The following PVT1 variants were observed in gnomAD, a reference collection of about 807,000 sequenced individuals.
PVT1 encodes the protein Pvt1 oncogene.
At chr8:127,801,562 G>C (rs1230920645) in intron 2 of PVT1, among the ~76,000 whole-genome samples, 3 of 152,122 alleles carry the variant, frequency 2.0e-5, no homozygotes, top group African/African-American at 4.8e-5. Flanking sequence ...TTCTAAAAAG[G>C]AAAGTAATTT....
chr8:128,088,050 T>C lies in PVT1; in HGVS notation n.1115-8468T>C, dbSNP rs1223034449. Reference sequence around the variant, plus strand: ...CTGGGATTACAGGTGTAAGCCACCGTGCCCAGCCGCTACTTGTTTTTTTTC... The same window carrying C: ...CTGGGATTACAGGTGTAAGCCACCGCGCCCAGCCGCTACTTGTTTTTTTTC... On this transcript the variant is annotated intron_variant and non_coding_transcript_variant, in intron 5 of 10. Transcript: ENST00000651587. Among the ~76,000 whole-genome samples the C allele has an allele frequency of 2.0e-5, 3 of 152,258 alleles. No homozygotes were observed. The East Asian group carries it at 5.8e-4, about 29-fold the overall frequency.
At chr8:128,073,649 C>T (rs1037595637) in intron 5 of PVT1, among the ~76,000 whole-genome samples, 2 of 152,202 alleles carry the variant, frequency 1.3e-5, no homozygotes, top group Admixed American at 1.3e-4. Flanking sequence ...CATGCGCCAA[C>T]CCATTTCAAC....
rs1563627450 is a variant in PVT1, at chr8:127,874,937, G to GTGTGT, written n.373-15652_373-15651insTGTGT. 4.0e-3 allele frequency among the ~76,000 whole-genome samples: 580 copies of GTGTGT among 145,940 alleles called. 4 individuals are homozygous for GTGTGT. Among genetic ancestry groups the GTGTGT allele is most frequent in the African/African-American group, 0.015 (550 of 37,742 alleles). Reference sequence around the variant, plus strand: ...GTGTGTGTGTGTGTGTGTGTGTGTGGGTGTGTGGCCCTGGGCTGCACTGTG... The same window carrying GTGTGT: ...GTGTGTGTGTGTGTGTGTGTGTGTGGTGTGTGTGTGTGGCCCTGGGCTGCACTGTG... On this transcript the variant is annotated intron_variant and non_coding_transcript_variant, in intron 2 of 10. Coordinates refer to ENST00000651587, the Ensembl canonical transcript of PVT1.
intron 4 of PVT1, among the ~76,000 whole-genome samples, chr8:128,039,754 G>A (rs1813509249): frequency 6.6e-6 from 1 of 152,210 alleles, no homozygotes; most frequent in South Asian, 2.1e-4. Context: ...AAGTGGACTG[G>A]AAGTGGCAAA....
rs1005457748 is a variant in PVT1, at chr8:128,041,215, TTGTG to T, written n.913-28938_913-28935del. Among the ~76,000 whole-genome samples the T allele has an allele frequency of 3.0e-4, 8 of 26,814 alleles. No individual in the cohort carries two copies. In the South Asian group the frequency reaches 0.016, roughly 55 times the overall value. The allele number at this position is 26,814 out of a possible 152,430, so 17.6% of individuals were successfully genotyped here. A position where few individuals can be genotyped will look rare whatever the true frequency, so the allele number is the denominator to read the frequency against. On this transcript the variant is annotated intron_variant and non_coding_transcript_variant, in intron 4 of 10. Transcript: ENST00000651587. ...TGTGTTCGTGTGTTTGCATGTGTGT[TTGTG>T]TGTGTGCATGTGTGTGTGTTGTTTG...
intron 4 of PVT1, among the ~76,000 whole-genome samples, chr8:128,005,544 C>T (rs527689631): frequency 2.6e-5 from 4 of 152,276 alleles, no homozygotes; most frequent in Non-Finnish European, 4.4e-5. Flanking sequence ...GTACCTTCTG[C>T]TGACTGCAGT....
intron 2 of PVT1, among the ~76,000 whole-genome samples, chr8:127,859,607 A>G (rs575198610): frequency 1.3e-5 from 2 of 152,278 alleles, no homozygotes; most frequent in Admixed American, 1.3e-4. Flanking sequence ...ACTCCCCGCC[A>G]GAGTCCTGGC....
At chr8:128,034,876 A>G (rs1375815019) in intron 4 of PVT1, among the ~76,000 whole-genome samples, 1 of 152,208 alleles carries the variant, frequency 6.6e-6, no homozygotes, top group Non-Finnish European at 1.5e-5. Context: ...AAATGACTTC[A>G]CTGCTGCCTT....
At chr8:128,002,796 C>G (rs919840048) in intron 4 of PVT1, among the ~76,000 whole-genome samples, 2 of 152,228 alleles carry the variant, frequency 1.3e-5, no homozygotes, top group African/African-American at 4.8e-5. Flanking sequence ...GGAGTTAGGA[C>G]TTCAACATAA....
chr8:127,882,538 C>G (rs867247533), intron 2 of PVT1, among the ~76,000 whole-genome samples: 1 of 151,694 alleles, frequency 6.6e-6, no homozygotes, highest in African/African-American at 2.4e-5. Flanking sequence ...GCCTGGAGTG[C>G]AATGGCACAA....
intron 3 of PVT1, among the ~76,000 whole-genome samples, chr8:127,959,204 C>G (rs1040097443): frequency 6.6e-5 from 10 of 152,162 alleles, no homozygotes; most frequent in Non-Finnish European, 1.3e-4. Context: ...TGCTTCCTGT[C>G]TTATGTTTTT....
At chr8:127,813,202 AATATACAAATATATATATATAAT>A (rs1394374139) in intron 2 of PVT1, among the ~76,000 whole-genome samples, 40 of 64,848 alleles carry the variant, frequency 6.2e-4, no homozygotes, top group Admixed American at 1.9e-3. Flanking sequence ...AAATATATAT[AATATACAAATATATATATATAAT>A]ATATACAAAT....
chr8:127,963,358 T>C (rs1402989120), intron 3 of PVT1, among the ~76,000 whole-genome samples: 2 of 152,188 alleles, frequency 1.3e-5, no homozygotes, highest in Non-Finnish European at 2.9e-5. Context: ...TCTCAGTGTC[T>C]GACACCTGGT....
chr8:127,924,955 T>C (rs1202202748), intron 3 of PVT1, among the ~76,000 whole-genome samples: 1 of 152,144 alleles, frequency 6.6e-6, no homozygotes, highest in Non-Finnish European at 1.5e-5. Context: ...GCCAACACAA[T>C]TGTTCTTAAT....
intron 2 of PVT1, among the ~76,000 whole-genome samples, chr8:127,860,031 C>T (rs1050799058): frequency 9.2e-5 from 14 of 152,274 alleles, no homozygotes; most frequent in African/African-American, 3.4e-4. Context: ...ACACGGACCC[C>T]GTGACTGGCT....
chr8:127,906,000 T>C (rs972814626), intron 3 of PVT1, among the ~76,000 whole-genome samples: 1 of 152,238 alleles, frequency 6.6e-6, no homozygotes, highest in Admixed American at 6.5e-5. Context: ...TTCAGTAAGA[T>C]ACATTTTGCA....
In PVT1 at chr8:127,925,353, T is replaced by A. The variant is rs557897940; in HGVS notation, n.782+34355T>A. Among the ~76,000 whole-genome samples, 3 of 151,936 alleles carry A rather than the reference T, an allele frequency of 2.0e-5. No individual in the cohort carries two copies. The South Asian group carries it at 6.2e-4, about 31-fold the overall frequency. On this transcript the variant is annotated intron_variant and non_coding_transcript_variant, in intron 3 of 10. Coordinates refer to ENST00000651587, the Ensembl canonical transcript of PVT1. The stretch of plus-strand genomic sequence containing the variant: ...AATCAAAAAAATATAGTTGAAAAAA[T>A]CAAAAAAATCTAGTTGAAAAATCCA...
intron 3 of PVT1, among the ~76,000 whole-genome samples, chr8:127,909,740 G>A (rs1443112980): frequency 6.6e-6 from 1 of 152,088 alleles, no homozygotes; most frequent in Non-Finnish European, 1.5e-5. Context: ...CAGAATTGGG[G>A]GCCTCCGTGT....
In PVT1 at chr8:128,011,957, A is replaced by G. The variant is rs1038026551; in HGVS notation, n.912+22666A>G. 2.0e-5 allele frequency among the ~76,000 whole-genome samples: 3 copies of G among 152,198 alleles called. No individual in the cohort carries two copies. In the South Asian group the frequency reaches 6.2e-4, roughly 32 times the overall value. On this transcript the variant is annotated intron_variant and non_coding_transcript_variant, in intron 4 of 10. Coordinates refer to ENST00000651587, the Ensembl canonical transcript of PVT1. ...TACTACTGAGAGGGGGTGGGGCTGA[A>G]AGGATCCAAGCATTGCACTGTGATG...
Sources: allele counts gnomAD v4.1 joint callset (sites outside exome capture counted in the v4.1 genomes callset), GRCh38; gene constraint gnomAD v4.1.1; transcripts MANE v1.5; gene names NCBI Gene and HGNC (gene_info 2026-07-23, HGNC 2026-07-21).